PCSK7: variants seen among roughly 807,000 people sequenced by gnomAD.
PCSK7 encodes proprotein convertase subtilisin/kexin type 7, also known as lymphoma proprotein convertase.
In PCSK7, 38 loss-of-function variants were observed where a neutral mutation model predicts 73.3. The observed-to-expected ratio is 0.52, with a 90% CI of 0.40 to 0.68. The LOEUF (loss-of-function observed/expected upper bound fraction) is 0.68. PCSK7 is among the 30% of genes least tolerant of loss of function. The pLI is 0.00. For missense variants in PCSK7, 692 were observed against 991.5 expected, an observed-to-expected ratio of 0.70 and a Z score of 4.06; for synonymous variants, 296 against 383.8, an observed-to-expected ratio of 0.77 and a Z score of 2.68.
intron 9 of PCSK7, chr11:117,220,685 A>C (rs1565312248): frequency 6.6e-6 from 1 of 152,358 alleles, no homozygotes; most frequent in Non-Finnish European, 1.5e-5. Flanking sequence ...TGGAGCTGGG[A>C]CAACACTGAC....
Position 117,226,038 on chromosome 11 carries a change from A to C in PCSK7, c.770-17T>G, listed in dbSNP as rs1591804783. 4.9e-6 allele frequency: 7 copies of C among 1,418,964 alleles called. No individual in the cohort carries two copies. Among genetic ancestry groups the C allele is most frequent in the Non-Finnish European group, 7.0e-6 (7 of 1,001,696 alleles). The allele number at this position is 1,418,964 out of a possible 1,614,324, so 87.9% of individuals were successfully genotyped here. A position where few individuals can be genotyped will look rare whatever the true frequency, so the allele number is the denominator to read the frequency against. ...CCCGGATACCTAGGCAATGAAGGCC[A>C]CAGCAGCTCCTCACTAATGCTGGTC... On this transcript the variant is annotated splice_polypyrimidine_tract_variant and intron_variant, in intron 5 of 16. Coordinates refer to ENST00000320934, the MANE Select transcript of PCSK7 (RefSeq NM_004716.4).
In PCSK7 at chr11:117,204,451, C is replaced by G. The variant is rs1474000147; in HGVS notation, c.*1546G>C. ...CTGCCTCACCCACACCCGTGTGGTA[C>G]CTTCAGCCCTGGCCAAGCTTTGAGG... On this transcript the variant is annotated 3_prime_UTR_variant, in exon 17 of 17. Transcript: ENST00000320934. The G allele has an allele frequency of 6.4e-7, 1 of 1,573,292 alleles. No individual in the cohort carries two copies. The highest frequency in any genetic ancestry group is 8.7e-7 in the Non-Finnish European group (1 of 1,150,482).
Position 117,219,667 on chromosome 11 carries a change from A to C in PCSK7, c.1247T>G (p.Ile416Arg). ...SAAAPLAAGM[I>R]ALMLQVRPCL... ...GGGCCGCACCTGCAGCATTAAGGCT[A>C]TCATGCCAGCTGCCAGAGGCGCTGC... Residue 416 changes from isoleucine (I) to arginine (R), a missense_variant, in exon 10 of 17, where the codon ATA becomes AGA. By Grantham distance (97) the Ile-to-Arg change is moderately conservative (BLOSUM62 -3). Coordinates refer to ENST00000320934, the MANE Select transcript of PCSK7 (RefSeq NM_004716.4). 3.1e-6 allele frequency: 5 copies of C among 1,612,198 alleles called. No individual in the cohort carries two copies. Among genetic ancestry groups the C allele is most frequent in the Non-Finnish European group, 4.2e-6 (5 of 1,179,328 alleles).
chr11:117,218,597 T>C lies in PCSK7; in HGVS notation c.1432-29A>G. 1 of 1,270,650 alleles carries C rather than the reference T, an allele frequency of 7.9e-7. No individual in the cohort carries two copies. Among genetic ancestry groups the C allele is most frequent in the Non-Finnish European group, 1.1e-6 (1 of 886,744 alleles). The allele number at this position is 1,270,650 out of a possible 1,614,324, so 78.7% of individuals were successfully genotyped here. A position where few individuals can be genotyped will look rare whatever the true frequency, so the allele number is the denominator to read the frequency against. On this transcript the variant is annotated intron_variant, in intron 11 of 16. Coordinates refer to ENST00000320934, the MANE Select transcript of PCSK7 (RefSeq NM_004716.4). The surrounding 1 kb of genome is among the most constrained non-coding windows in gnomAD (Gnocchi z 4.0). Reference sequence around the variant, plus strand: ...TGAAAGGAAAGGAGGGGATGGCAAATCAACAAACAAGAATGATCACACCCA... The same window carrying C: ...TGAAAGGAAAGGAGGGGATGGCAAACCAACAAACAAGAATGATCACACCCA...
chr11:117,229,952 G>A (rs1202456382), intron 2 of PCSK7, 96 bp from the exon 3 acceptor site: 24 of 700,400 alleles, frequency 3.4e-5, no homozygotes, highest in Non-Finnish European at 5.1e-5. Context: ...GTTCCCCCTG[G>A]AAGTCCCTAA....
rs147036399 is a variant in PCSK7 at position 117,218,495 on chromosome 11, G to T, written c.1505C>A (p.Ser502Tyr). 4.4e-6 allele frequency: 7 copies of T among 1,608,312 alleles called. No individual in the cohort carries two copies. The highest frequency in any genetic ancestry group is 2.2e-5 in the East Asian group (1 of 44,488). The change falls in exon 12 of 17, where the codon TCC becomes TAC. Residue 502 changes from serine (S) to tyrosine (Y), a missense_variant. Coordinates refer to ENST00000320934, the MANE Select transcript of PCSK7 (RefSeq NM_004716.4). The surrounding 1 kb of genome is among the most constrained non-coding windows in gnomAD (Gnocchi z 4.0). ...VLKENKAIPQSPRSLEVLWNV... is the reference protein window; with the variant it reads ...VLKENKAIPQYPRSLEVLWNV... Reference sequence around the variant, plus strand: ...CCACAGGACCTCCAGGGAACGGGGGGACTGCGGAATCGCCTTGTTTTCTTT... The same window carrying T: ...CCACAGGACCTCCAGGGAACGGGGGTACTGCGGAATCGCCTTGTTTTCTTT...
At chr11:117,223,794 GCAGAAGGTGGCCCA>G (rs2032301667) in intron 8 of PCSK7, 1 of 429,200 alleles carries the variant, frequency 2.3e-6, no homozygotes, top group Admixed American at 3.9e-5. Context: ...CTTCCAGCAG[GCAGAAGGTGGCCCA>G]CAGAAAGACA....
In PCSK7 at chr11:117,226,035, G is replaced by A. The variant is rs1202315575; in HGVS notation, c.770-14C>T. The A allele has an allele frequency of 1.4e-6, 2 of 1,439,728 alleles. No individual in the cohort carries two copies. Among genetic ancestry groups the A allele is most frequent in the Admixed American group, 1.7e-5 (1 of 59,816 alleles). The allele number at this position is 1,439,728 out of a possible 1,614,324, so 89.2% of individuals were successfully genotyped here. On this transcript the variant is annotated splice_polypyrimidine_tract_variant and intron_variant, in intron 5 of 16. Transcript: ENST00000320934. ...GTACCCGGATACCTAGGCAATGAAG[G>A]CCACAGCAGCTCCTCACTAATGCTG...
At chr11:117,211,093 G>A (rs1378048810) in intron 12 of PCSK7, 5 of 152,172 alleles carry the variant, frequency 3.3e-5, no homozygotes, top group Admixed American at 2.6e-4. Context: ...AGCTATTATA[G>A]ATGACTGAGC....
chr11:117,228,328 C>T lies in PCSK7; in HGVS notation c.491G>A (p.Arg164Lys). The T allele has an allele frequency of 1.9e-6, 3 of 1,614,130 alleles. No individual in the cohort carries two copies. Among genetic ancestry groups the T allele is most frequent in the East Asian group, 4.5e-5 (2 of 44,880 alleles). ...WHLNNRRSPGRDINVTGVWER... is the reference protein window; with the variant it reads ...WHLNNRRSPGKDINVTGVWER... ...CCACACACCCGTCACGTTGATGTCC[C>T]TGCCCGGGCTCCGTCGGTTATTCTG... Residue 164 changes from arginine (R) to lysine (K), a missense_variant, in exon 4 of 17, where the codon AGG (arginine) becomes AAG (lysine). Physicochemically the swap from Arg to Lys is conservative, Grantham distance 26 (BLOSUM62 2). Coordinates refer to ENST00000320934, the MANE Select transcript of PCSK7 (RefSeq NM_004716.4).
chr11:117,213,571 T>G (rs149812285), intron 12 of PCSK7: 1 of 152,240 alleles, frequency 6.6e-6, no homozygotes, highest in Non-Finnish European at 1.5e-5. Context: ...ATGGCATAGT[T>G]AGAGGACAGC....
At chr11:117,210,993 A>G (rs1263499) in intron 12 of PCSK7, 5,619 of 152,266 alleles carry the variant, frequency 0.037, 156 homozygotes, top group East Asian at 0.095. Context: ...TTTTACAGAC[A>G]CAGTAGCTCA....
chr11:117,204,399 T>A lies in PCSK7; in HGVS notation c.*1598A>T. 6.2e-7 allele frequency: 1 copy of A among 1,613,860 alleles called. No individual in the cohort carries two copies. Among genetic ancestry groups the A allele is most frequent in the African/African-American group, 1.3e-5 (1 of 75,042 alleles). On this transcript the variant is annotated 3_prime_UTR_variant, in exon 17 of 17. Transcript: ENST00000320934. ...GCCCTGAGCCCGGCCCTCCCCCAGC[T>A]CCTTGGCTGCAGCCATCCCGCTTAG...
At chr11:117,223,858 G>A (rs1168493645) in intron 8 of PCSK7, 1 of 551,562 alleles carries the variant, frequency 1.8e-6, no homozygotes, top group Non-Finnish European at 3.2e-6. Flanking sequence ...TGGGGTGGAG[G>A]CAGCTCGGTG....
intron 12 of PCSK7, chr11:117,215,364 T>TTTTTTTTTGTGTGTGTGTGTGTG (rs57433360): frequency 4.7e-5 from 4 of 84,902 alleles, no homozygotes; most frequent in African/African-American, 2.3e-4. Flanking sequence ...CCTGGCTAAT[T>TTTTTTTTTGTGTGTGTGTGTGTG]TGTGTGTGTG....
rs554694144 is a variant in PCSK7 at position 117,204,485 on chromosome 11, C to G, written c.*1512G>C. 96 of 1,431,786 alleles carry G rather than the reference C, an allele frequency of 6.7e-5. No individual in the cohort carries two copies. In the African/African-American group the frequency reaches 1.3e-3, roughly 19 times the overall value. The allele number at this position is 1,431,786 out of a possible 1,614,324, so 88.7% of individuals were successfully genotyped here. ...CTGGCCAAGCTTTGAGGCTCTGTCA[C>G]TGAGCAATGGTAACTGCACCTGGGC... On this transcript the variant is annotated 3_prime_UTR_variant, in exon 17 of 17. Transcript: ENST00000320934.
rs542157926 is a variant in PCSK7, at chr11:117,224,079, T to A, written c.1053A>T (p.Ile351=). 2 of 1,614,186 alleles carry A rather than the reference T, an allele frequency of 1.2e-6. No homozygotes were observed. Among genetic ancestry groups the A allele is most frequent in the East Asian group, 4.5e-5 (2 of 44,882 alleles). The change falls in exon 8 of 17, where the codon ATA becomes ATT. Residue 351 remains isoleucine (I), a splice_region_variant and synonymous_variant. Transcript: ENST00000320934. ...AGCACAGAAACATTGGGTGACTACC[T>A]ATGGTGACGGTGTAGATGGAGTTGG... The part of the protein sequence containing the change: ...GYANSIYTVT[I]GAVDEEGRMP...
At position 117,218,524 on chromosome 11, in the gene PCSK7, C is replaced by T. The variant is rs2032076107; in HGVS notation, c.1476G>A (p.Val492=). The T allele has an allele frequency of 1.9e-6, 3 of 1,610,836 alleles. No individual in the cohort carries two copies. The highest frequency in any genetic ancestry group is 2.5e-6 in the Non-Finnish European group (3 of 1,178,428). The change falls in exon 12 of 17, where the codon GTG becomes GTA. Residue 492 remains valine (V), a synonymous_variant. Coordinates refer to ENST00000320934, the MANE Select transcript of PCSK7 (RefSeq NM_004716.4). The surrounding 1 kb of genome is among the most constrained non-coding windows in gnomAD (Gnocchi z 4.0). ...VPYLASYVSP[V]LKENKAIPQS... is the part of the protein sequence containing the mutation. ...GCGGAATCGCCTTGTTTTCTTTTAA[C>T]ACGGGACTGACGTAGGATGCTAAGT...
At position 117,204,673 on chromosome 11, in the gene PCSK7, GTCC is replaced by G; in HGVS notation, c.*1321_*1323del. ...AGCCTGGATGTGGGCCAAGTCCACT[GTCC>G]TCCTTGGCGGCAAAAGCCCATTGAA... On this transcript the variant is annotated 3_prime_UTR_variant, in exon 17 of 17. Transcript: ENST00000320934. 2.3e-6 allele frequency: 1 copy of G among 443,984 alleles called. No individual in the cohort carries two copies. Among genetic ancestry groups the G allele is most frequent in the Non-Finnish European group, 4.2e-6 (1 of 238,064 alleles). 27.5% of individuals were successfully genotyped at this position (443,984 alleles called of 1,614,324 possible).
Sources: gnomAD v4.1 joint callset for allele counts on GRCh38, gnomAD v4.1.1 for gene constraint, Gnocchi (gnomAD v3.1) non-coding constraint, MANE v1.5 for transcripts, NCBI Gene and HGNC (gene_info 2026-07-23, HGNC 2026-07-21) for gene names.